The following ZFP92 variants were observed in gnomAD, a reference collection of about 807,000 sequenced individuals.
ZFP92 encodes zinc finger protein 92 homolog.
ZFP92 carries 2 observed loss-of-function variants against 7.6 expected under a neutral mutation model. The ratio of observed to expected loss-of-function variants is 0.26; its 90% CI spans 0.11 to 0.83. The LOEUF (loss-of-function observed/expected upper bound fraction) is 0.83, where lower values mean the gene tolerates loss of function less well. Among genes scored for constraint, ZFP92 ranks in the 40% least tolerant of loss-of-function variants. The pLI, the probability that ZFP92 is intolerant of heterozygous loss-of-function variation, is 0.65. For missense variants in ZFP92, 324 were observed against 408.3 expected (o/e 0.79, Z 1.78); for synonymous variants, 226 against 183.6 (o/e 1.23, Z -1.87).
At chrX:153,412,640 T>G (rs142577055) in intron 2 of ZFP92, among the ~76,000 whole-genome samples, 1,543 of 111,592 alleles carry the variant, frequency 0.014, 26 homozygotes, top group African/African-American at 0.048. Context: ...TGGAAGAGCA[T>G]TCTAGGCACA....
rs1556976040 is a variant in ZFP92 at position 153,424,385 on chromosome X, G to C, written c.*2757G>C. 1 of 112,566 alleles carries C rather than the reference G, an allele frequency of 8.9e-6. No homozygotes were observed. The highest frequency in any genetic ancestry group is 3.2e-5 in the African/African-American group (1 of 30,995). The allele number at this position is 112,566 out of a possible 1,213,427, so 9.3% of individuals were successfully genotyped here. A position where few individuals can be genotyped will look rare whatever the true frequency, so the allele number is the denominator to read the frequency against. On this transcript the variant is annotated 3_prime_UTR_variant, in exon 6 of 6. Transcript: ENST00000338647. ...CTATCATTTTCTTTTGGGTGTGGCA[G>C]TTAGGTATGCCACGTGAGCTGAACG... is the stretch of plus-strand genomic sequence containing the variant.
rs1434781875 is a variant in ZFP92 at position 153,425,569 on chromosome X, G to A, written c.*3941G>A. The A allele has an allele frequency of 9.0e-6, 1 of 111,600 alleles. No individual in the cohort carries two copies. Among genetic ancestry groups the A allele is most frequent in the African/African-American group, 3.3e-5 (1 of 30,698 alleles). The allele number at this position is 111,600 out of a possible 1,213,427, so 9.2% of individuals were successfully genotyped here. On this transcript the variant is annotated 3_prime_UTR_variant, in exon 6 of 6. Coordinates refer to ENST00000338647, the MANE Select transcript of ZFP92 (RefSeq NM_001136273.2). ...ATAAATTATGACTACCACAGGGTTTGAATTTACACACTGACCACCACAAAT... is the reference window on the plus strand; with the variant it reads ...ATAAATTATGACTACCACAGGGTTTAAATTTACACACTGACCACCACAAAT...
intron 3 of ZFP92, 74 bp from the exon 4 acceptor site, chrX:153,418,599 T>A: frequency 1.8e-6 from 2 of 1,122,569 alleles, no homozygotes; most frequent in African/African-American, 1.8e-5. Context: ...GCCCCCCACA[T>A]TTTGTTTCTG....
chrX:153,412,704 A>C (rs1445141099), intron 2 of ZFP92, among the ~76,000 whole-genome samples: 1 of 111,701 alleles, frequency 9.0e-6, no homozygotes, highest in East Asian at 2.8e-4. Flanking sequence ...TCAAGGGAGC[A>C]AGAGTGTGGC....
intron 4 of ZFP92, 25 bp from the exon 5 acceptor site, chrX:153,420,203 G>A (rs1369595695): frequency 1.4e-5 from 16 of 1,142,795 alleles, no homozygotes; most frequent in Non-Finnish European, 1.8e-5. Context: ...TAGTGGTCTT[G>A]ACCTGCTTCA....
chrX:153,419,873 G>A (rs948892440), intron 4 of ZFP92, among the ~76,000 whole-genome samples: 7 of 111,929 alleles, frequency 6.3e-5, no homozygotes, highest in African/African-American at 1.9e-4. Flanking sequence ...TATGGCTGTC[G>A]GCCTCCCAAT....
intron 2 of ZFP92, among the ~76,000 whole-genome samples, chrX:153,414,275 C>A (rs1265820655): frequency 8.9e-6 from 1 of 112,283 alleles, no homozygotes; most frequent in Non-Finnish European, 1.9e-5. Context: ...GTGTGGCCTG[C>A]GGACATTAGA....
chrX:153,421,659 G>C lies in ZFP92; in HGVS notation c.*31G>C, dbSNP rs1602899851. Reference sequence around the variant, plus strand: ...CGCCAGCGCACCCAGGGCGCGGCCGGTCTGCGTGGGGGGCCTTCCTGGGGA... The same window carrying C: ...CGCCAGCGCACCCAGGGCGCGGCCGCTCTGCGTGGGGGGCCTTCCTGGGGA... On this transcript the variant is annotated 3_prime_UTR_variant, in exon 6 of 6. Transcript: ENST00000338647. 2.8e-5 allele frequency: 26 copies of C among 942,887 alleles called. No individual in the cohort carries two copies. Among genetic ancestry groups the C allele is most frequent in the Non-Finnish European group, 2.9e-5 (22 of 759,535 alleles). The allele number at this position is 942,887 out of a possible 1,213,427, so 77.7% of individuals were successfully genotyped here.
At chrX:153,413,106 G>A (rs1176940761) in intron 2 of ZFP92, among the ~76,000 whole-genome samples, 2 of 110,990 alleles carry the variant, frequency 1.8e-5, no homozygotes, top group African/African-American at 6.6e-5. Flanking sequence ...AGCTGATGGG[G>A]CTGAGAGAAG....
At chrX:153,416,765 A>C (rs1556973837) in intron 2 of ZFP92, among the ~76,000 whole-genome samples, 1 of 111,681 alleles carries the variant, frequency 9.0e-6, no homozygotes, top group Non-Finnish European at 1.9e-5. Flanking sequence ...ATAAAGAGAA[A>C]AGGTTGCTTT....
chrX:153,419,152 C>T (rs1171675712), intron 4 of ZFP92, among the ~76,000 whole-genome samples: 3 of 112,972 alleles, frequency 2.7e-5, no homozygotes, highest in Non-Finnish European at 3.7e-5. Flanking sequence ...AGACTTAATT[C>T]GTTTCTATGA....
intron 4 of ZFP92, 67 bp from the exon 5 acceptor site, chrX:153,420,161 C>T: frequency 1.2e-6 from 1 of 828,982 alleles, no homozygotes; most frequent in Non-Finnish European, 1.7e-6. Flanking sequence ...TTGAGAATTG[C>T]CTGAGTTCAG....
Position 153,426,226 on chromosome X carries a change from C to A in ZFP92, c.*4598C>A, listed in dbSNP as rs1209552039. The A allele has an allele frequency of 9.1e-6, 1 of 110,455 alleles. No homozygotes were observed. The highest frequency in any genetic ancestry group is 1.9e-5 in the Non-Finnish European group (1 of 52,948). 9.1% of individuals were successfully genotyped at this position (110,455 alleles called of 1,213,427 possible). A position where few individuals can be genotyped will look rare whatever the true frequency, so the allele number is the denominator to read the frequency against. On this transcript the variant is annotated 3_prime_UTR_variant, in exon 6 of 6. Coordinates refer to ENST00000338647, the MANE Select transcript of ZFP92 (RefSeq NM_001136273.2). ...ACCGCCACTGCTTGGCTTGCTGTCA[C>A]TATAGATTAATTCCCATTTTCTAGA...
chrX:153,418,550 C>A, intron 3 of ZFP92, 123 bp from the exon 4 acceptor site: 1 of 1,022,485 alleles, frequency 9.8e-7, no homozygotes, highest in Non-Finnish European at 1.3e-6. Flanking sequence ...TCGTGCAACC[C>A]GAGTCTTTCC....
chrX:153,418,554 T>G, intron 3 of ZFP92, 119 bp from the exon 4 acceptor site: 1 of 1,030,765 alleles, frequency 9.7e-7, no homozygotes, highest in Non-Finnish European at 1.3e-6. Context: ...GCAACCCGAG[T>G]CTTTCCACCT....
chrX:153,412,201 A>G (rs2088914086), intron 2 of ZFP92, among the ~76,000 whole-genome samples, 188 bp downstream of exon 2: 1 of 112,329 alleles, frequency 8.9e-6, no homozygotes, highest in Admixed American at 9.3e-5. Context: ...TGACCAGGTG[A>G]CTGGCATGCC....
chrX:153,418,463 C>G lies in ZFP92; in HGVS notation c.33+108C>G. 1.9e-6 allele frequency: 2 copies of G among 1,044,084 alleles called. 1 individual carries two copies. Among genetic ancestry groups the G allele is most frequent in the South Asian group, 4.5e-5 (2 of 44,791 alleles). The allele number at this position is 1,044,084 out of a possible 1,213,427, so 86.0% of individuals were successfully genotyped here. The stretch of plus-strand genomic sequence containing the variant: ...GCTGAGCTTAGGCTGCCCTTAGCAT[C>G]GTTTTCCTTTCCTGAGGCGCACAAT... On this transcript the variant is annotated intron_variant, in intron 3 of 5. Transcript: ENST00000338647.
intron 4 of ZFP92, among the ~76,000 whole-genome samples, chrX:153,419,510 G>A (rs781968242): frequency 2.9e-4 from 33 of 112,734 alleles, no homozygotes; most frequent in African/African-American, 5.8e-4. Flanking sequence ...AGATGCATGC[G>A]TGAAACAGAG....
At position 153,418,930 on chromosome X, in the gene ZFP92, G is replaced by A. The variant is rs191053935; in HGVS notation, c.160+131G>A. On this transcript the variant is annotated intron_variant, in intron 4 of 5. Coordinates refer to ENST00000338647, the MANE Select transcript of ZFP92 (RefSeq NM_001136273.2). ...ATAAATGCATTTCTCCATCAGACCA[G>A]TAATGCCAGTAATCCATTGCAGGCC... 98 of 925,099 alleles carry A rather than the reference G, an allele frequency of 1.1e-4. No individual in the cohort carries two copies. The East Asian group carries it at 3.3e-3, about 32-fold the overall frequency. 76.2% of individuals were successfully genotyped at this position (925,099 alleles called of 1,213,427 possible).
Sources: gnomAD v4.1 joint callset for allele counts (sites outside exome capture counted in the v4.1 genomes callset) on GRCh38, gnomAD v4.1.1 for gene constraint, MANE v1.5 for transcripts, NCBI Gene and HGNC (gene_info 2026-07-23, HGNC 2026-07-21) for gene names.